The following EVL variants were observed in gnomAD, a reference collection of about 807,000 sequenced individuals.
The protein encoded by EVL is ena/VASP-like protein.
Under a neutral mutation model 59.6 loss-of-function variants are expected in EVL, and 21 were observed. That is an observed-to-expected ratio of 0.35 (90% CI 0.25 to 0.51). The LOEUF (loss-of-function observed/expected upper bound fraction) is 0.51, where lower values mean the gene tolerates loss of function less well. EVL is among the 20% of genes least tolerant of loss of function. EVL has a pLI of 0.97. For synonymous variants in EVL, 198 were observed against 203.5 expected (o/e 0.97, Z 0.23); for missense variants, 462 against 546.6 (o/e 0.85, Z 1.54).
At chr14:100,134,135 T>C (rs1374448296) in intron 8 of EVL, among the ~76,000 whole-genome samples, 1 of 152,220 alleles carries the variant, frequency 6.6e-6, no homozygotes, top group South Asian at 2.1e-4. Context: ...ACGTCCACCA[T>C]TCCCATACCT....
At chr14:100,034,507 T>C (rs761304530) in intron 1 of EVL, among the ~76,000 whole-genome samples, 1 of 151,824 alleles carries the variant, frequency 6.6e-6, no homozygotes, top group Non-Finnish European at 1.5e-5. Context: ...CCCAACACTT[T>C]GGAAGGTTGA....
At chr14:100,063,460 G>T (rs927908473), upstream of EVL, among the ~76,000 whole-genome samples, 1 of 152,200 alleles carries the variant, frequency 6.6e-6, no homozygotes. Context: ...ATAAGTGTGT[G>T]TTGTTATAAG....
intron 1 of EVL, among the ~76,000 whole-genome samples, chr14:100,015,715 A>G (rs2061044883): frequency 6.6e-6 from 1 of 152,186 alleles, no homozygotes; most frequent in African/African-American, 2.4e-5. Context: ...CTTCAGCTGG[A>G]ACTATTCTAC....
chr14:100,024,125 A>G (rs1401769876), intron 1 of EVL, among the ~76,000 whole-genome samples: 1 of 152,226 alleles, frequency 6.6e-6, no homozygotes, highest in African/African-American at 2.4e-5. Flanking sequence ...TGAAAATGGA[A>G]GTTACTATTT....
chr14:100,037,871 A>G (rs2061410736), intron 1 of EVL, among the ~76,000 whole-genome samples: 1 of 152,216 alleles, frequency 6.6e-6, no homozygotes, highest in African/African-American at 2.4e-5. Flanking sequence ...TACAAATGGG[A>G]TAGCTTCCAT....
At position 100,130,028 on chromosome 14, in the gene EVL, A is replaced by G. The variant is rs1445913415; in HGVS notation, c.839+344A>G. 6.6e-6 allele frequency among the ~76,000 whole-genome samples: 1 copy of G among 152,250 alleles called. No homozygotes were observed. Among genetic ancestry groups the G allele is most frequent in the Non-Finnish European group, 1.5e-5 (1 of 68,042 alleles). ...CCTTGCTCTTAAGATCCTAACAGAA[A>G]TAAGATGTGGCCGCAGTGGTCGAGT... On this transcript the variant is annotated intron_variant, in intron 7 of 13. Transcript: ENST00000392920. The surrounding 1 kb of genome is among the most constrained non-coding windows in gnomAD (Gnocchi z 4.8).
chr14:100,002,586 G>A (rs990866156), intron 1 of EVL, among the ~76,000 whole-genome samples: 1 of 152,140 alleles, frequency 6.6e-6, no homozygotes, highest in South Asian at 2.1e-4. Context: ...AATGCTTCCT[G>A]TATAATTTTT....
chr14:100,102,448 A>G (rs552957756), intron 3 of EVL: 2 of 448,428 alleles, frequency 4.5e-6, no homozygotes, highest in Admixed American at 2.4e-5. Flanking sequence ...TACATTGTCT[A>G]CATTTTAGGA....
intron 1 of EVL, among the ~76,000 whole-genome samples, chr14:100,074,002 C>CGGGGGGGGGGGG (rs1555420714): frequency 1.1e-5 from 1 of 88,348 alleles, no homozygotes; most frequent in African/African-American, 4.0e-5. Context: ...GAGTCACCCC[C>CGGGGGGGGGGGG]GGGGGCGGTG....
intron 1 of EVL, among the ~76,000 whole-genome samples, chr14:100,010,834 C>A (rs1432178987): frequency 6.6e-6 from 1 of 152,298 alleles, no homozygotes. Context: ...GCAACTGCCT[C>A]AGAATAGCCA....
intron 3 of EVL, among the ~76,000 whole-genome samples, chr14:100,122,247 C>T (rs551249901): frequency 1.3e-5 from 2 of 152,190 alleles, no homozygotes; most frequent in Admixed American, 1.3e-4. Flanking sequence ...CAATCTGACA[C>T]CACTGTCTGA....
chr14:100,061,725 T>A (rs1334365689), upstream of EVL, among the ~76,000 whole-genome samples: 1 of 152,132 alleles, frequency 6.6e-6, no homozygotes, highest in East Asian at 1.9e-4. Flanking sequence ...CATAAGCAGT[T>A]GGTTAATACA....
rs142060840 is a variant in EVL at position 99,992,664 on chromosome 14, C to T, written c.5+20607C>T. Among the ~76,000 whole-genome samples, 974 of 152,348 alleles carry T rather than the reference C, an allele frequency of 6.4e-3. 8 individuals are homozygous for T. The highest frequency in any genetic ancestry group is 0.011 in the Admixed American group (167 of 15,304). On this transcript the variant is annotated intron_variant, in intron 1 of 13. Coordinates refer to the EVL transcript ENST00000402714. ...GCATATGAATATTCAGTTTTCCTAACACTGTTTGTTGAAAAGTCTGTCTTT... is the reference window on the plus strand; with the variant it reads ...GCATATGAATATTCAGTTTTCCTAATACTGTTTGTTGAAAAGTCTGTCTTT...
In EVL at chr14:100,127,446, C is replaced by T. The variant is rs930526771; in HGVS notation, c.487+675C>T. 3.3e-5 allele frequency among the ~76,000 whole-genome samples: 5 copies of T among 152,170 alleles called. No individual in the cohort carries two copies. The highest frequency in any genetic ancestry group is 7.2e-5 in the African/African-American group (3 of 41,436). The stretch of plus-strand genomic sequence containing the variant: ...CCCGAGCCCCCACTGGTTACAGGAA[C>T]GCTCTGCTCGTGAGATGCTGGCTGA... On this transcript the variant is annotated intron_variant, in intron 5 of 13. Transcript: ENST00000392920. This position sits in a 1 kb window ranked among gnomAD's most constrained non-coding sequence, Gnocchi z 4.2.
At position 100,143,719 on chromosome 14, in the gene EVL, G is replaced by A. The variant is rs1407122187; in HGVS notation, c.1238G>A (p.Ser413Asn). 1.9e-6 allele frequency: 3 copies of A among 1,612,488 alleles called. No homozygotes were observed. The highest frequency in any genetic ancestry group is 1.7e-5 in the Admixed American group (1 of 59,994). The change falls in exon 14 of 14, where the codon AGT becomes AAT. Residue 413 changes from serine to asparagine, a missense_variant. Physicochemically the swap from Ser to Asn is conservative, Grantham distance 46. Transcript: ENST00000392920. ...CCCGCAGCCATCAGGCAGGAGCTGA[G>A]TGGGATCAGCACCACGTAAGGGGCC... ...EIIDAIRQELSGISTT is the reference protein window; with the variant it reads ...EIIDAIRQELNGISTT
intron 2 of EVL, among the ~76,000 whole-genome samples, chr14:100,091,276 T>G (rs922269722): frequency 4.6e-5 from 7 of 152,186 alleles, no homozygotes; most frequent in Admixed American, 3.9e-4. Flanking sequence ...CTACCTTGTC[T>G]GATTGTGGGT....
intron 2 of EVL, among the ~76,000 whole-genome samples, chr14:100,096,026 C>G (rs1266494560): frequency 6.6e-6 from 1 of 152,202 alleles, no homozygotes; most frequent in Non-Finnish European, 1.5e-5. Context: ...CCATGCCCAG[C>G]TTCAATTACG....
chr14:99,998,303 C>T (rs895383956), intron 1 of EVL, among the ~76,000 whole-genome samples: 3 of 152,036 alleles, frequency 2.0e-5, no homozygotes, highest in African/African-American at 7.2e-5. Flanking sequence ...AGACATGAGC[C>T]CCTGCACTCC....
At chr14:100,125,293 C>T (rs1025461712) in intron 4 of EVL, among the ~76,000 whole-genome samples, 1 of 134,286 alleles carries the variant, frequency 7.4e-6, no homozygotes, top group South Asian at 2.4e-4. Flanking sequence ...CACACACACA[C>T]GGCAGGGAGA....
Sources: allele counts gnomAD v4.1 joint callset (sites outside exome capture counted in the v4.1 genomes callset), GRCh38; gene constraint gnomAD v4.1.1; non-coding constraint Gnocchi (gnomAD v3.1); transcripts MANE v1.5; gene names NCBI Gene and HGNC (gene_info 2026-07-23, HGNC 2026-07-21).